Variants in PMVK observed in about 807,000 individuals in gnomAD.
The protein encoded by PMVK is testis tissue sperm-binding protein Li 95mP.
PMVK carries 10 observed loss-of-function variants against 19.0 expected under a neutral mutation model. That is an observed-to-expected ratio of 0.53 (90% confidence interval 0.32 to 0.89). The LOEUF is 0.89. Among genes scored for constraint, PMVK ranks in the 40% least tolerant of loss-of-function variants. The pLI, the probability that PMVK is intolerant of heterozygous loss-of-function variation, is 0.03. For synonymous variants in PMVK, 108 were observed against 101.6 expected, an observed-to-expected ratio of 1.06 and a Z score of -0.38; for missense variants, 222 against 251.1, an observed-to-expected ratio of 0.88 and a Z score of 0.78.
intron 3 of PMVK, among the ~76,000 whole-genome samples, chr1:154,927,246 T>A (rs1011869913): frequency 6.0e-5 from 9 of 151,244 alleles, no homozygotes; most frequent in Middle Eastern, 3.4e-3. Context: ...AGGTCAGGAG[T>A]TCAAATTTTG....
chr1:154,936,575 C>T lies in PMVK; in HGVS notation c.95+16G>A, dbSNP rs774407932. On this transcript the variant is annotated intron_variant, in intron 1 of 4. Transcript: ENST00000368467. ...GCGGAGAGCTCCCCCTTCCACCTTT[C>T]CCGCCTCACGGACACCTGCTCTGCA... 12 of 1,588,286 alleles carry T rather than the reference C, an allele frequency of 7.6e-6. No individual in the cohort carries two copies. In the Admixed American group the frequency reaches 1.1e-4, roughly 14 times the overall value.
chr1:154,927,880 C>T (rs1457536209), intron 3 of PMVK, among the ~76,000 whole-genome samples: 1 of 152,188 alleles, frequency 6.6e-6, no homozygotes, highest in Non-Finnish European at 1.5e-5. Context: ...CCCTATCTCT[C>T]CTCATATCCT....
At chr1:154,932,258 G>A (rs959572549) in intron 2 of PMVK, 94 bp downstream of exon 2, 56 of 895,458 alleles carry the variant, frequency 6.3e-5, no homozygotes, top group Admixed American at 1.1e-4. Flanking sequence ...CAGTGGTGAC[G>A]GGAATCATGC....
intron 1 of PMVK, among the ~76,000 whole-genome samples, chr1:154,936,123 C>A (rs1235055375): frequency 6.6e-6 from 1 of 152,204 alleles, no homozygotes; most frequent in Non-Finnish European, 1.5e-5. Flanking sequence ...CGCTCTGTCG[C>A]CCAGGCTGGA....
chr1:154,928,909 G>T, intron 3 of PMVK, 115 bp downstream of exon 3: 1 of 1,030,676 alleles, frequency 9.7e-7, no homozygotes, highest in Non-Finnish European at 1.5e-6. Flanking sequence ...CGACTGTCCA[G>T]GCCAGAAATG....
chr1:154,937,719 G>A (rs979105349), upstream of PMVK: 1 of 152,178 alleles, frequency 6.6e-6, no homozygotes, highest in African/African-American at 2.4e-5. Flanking sequence ...GCCTCCACTA[G>A]AGAAAAAGTG....
upstream of PMVK, chr1:154,937,717 T>C (rs1047182144): frequency 2.6e-5 from 4 of 152,174 alleles, no homozygotes; most frequent in Admixed American, 6.5e-5. Flanking sequence ...CTGCCTCCAC[T>C]AGAGAAAAAG....
intron 3 of PMVK, among the ~76,000 whole-genome samples, chr1:154,928,570 G>A (rs904640427): frequency 1.4e-4 from 21 of 152,118 alleles, no homozygotes; most frequent in African/African-American, 4.3e-4. Flanking sequence ...TCAGGAGTTC[G>A]AGACCAGCCT....
intron 2 of PMVK, 34 bp from the exon 3 acceptor site, chr1:154,929,210 CT>C (rs766208966): frequency 6.2e-7 from 1 of 1,609,348 alleles, no homozygotes; most frequent in Non-Finnish European, 8.5e-7. Flanking sequence ...CGTCACCGGC[CT>C]TTCAACCTCA....
At position 154,925,093 on chromosome 1, in the gene PMVK, CT is replaced by C; in HGVS notation, c.*35del. On this transcript the variant is annotated 3_prime_UTR_variant, in exon 5 of 5. Transcript: ENST00000368467. ...TTTGCAGAGTCAGCCCCACCCCCAC[CT>C]CAGCAGGCCCCAGCTCACTCCTAGA... 1 of 1,530,196 alleles carries C rather than the reference CT, an allele frequency of 6.5e-7. No individual in the cohort carries two copies. The highest frequency in any genetic ancestry group is 8.9e-7 in the Non-Finnish European group (1 of 1,117,860). The allele number at this position is 1,530,196 out of a possible 1,614,324, so 94.8% of individuals were successfully genotyped here. A position where few individuals can be genotyped will look rare whatever the true frequency, so the allele number is the denominator to read the frequency against.
chr1:154,927,358 G>A (rs999973480), intron 3 of PMVK, among the ~76,000 whole-genome samples: 2 of 140,126 alleles, frequency 1.4e-5, no homozygotes, highest in Admixed American at 1.6e-4. Context: ...TGATGCACAA[G>A]AATCGCTTAA....
chr1:154,938,989 G>A (rs80239439), upstream of PMVK, among the ~76,000 whole-genome samples: 822 of 152,120 alleles, frequency 5.4e-3, 6 homozygotes, highest in African/African-American at 0.019. Flanking sequence ...CAAAAGTGCC[G>A]GGATTACCAG....
chr1:154,925,080 G>GCCCCCCCCCCCCCCCCCCCCGC lies in PMVK; in HGVS notation c.*48_*49insGCGGGGGGGGGGGGGGGGGGGG. On this transcript the variant is annotated 3_prime_UTR_variant, in exon 5 of 5. Transcript: ENST00000368467. The stretch of plus-strand genomic sequence containing the variant: ...GGGACACCCCCATTTTGCAGAGTCA[G>GCCCCCCCCCCCCCCCCCCCCGC]CCCCACCCCCACCTCAGCAGGCCCC... The GCCCCCCCCCCCCCCCCCCCCGC allele has an allele frequency of 6.9e-7, 1 of 1,459,214 alleles. No homozygotes were observed. The highest frequency in any genetic ancestry group is 9.3e-7 in the Non-Finnish European group (1 of 1,076,454). The allele number at this position is 1,459,214 out of a possible 1,614,324, so 90.4% of individuals were successfully genotyped here.
intron 3 of PMVK, among the ~76,000 whole-genome samples, chr1:154,928,757 T>A (rs1022902082): frequency 1.3e-5 from 2 of 150,182 alleles, no homozygotes; most frequent in African/African-American, 4.9e-5. Context: ...AGGCGACAAG[T>A]GTGAGACTCC....
chr1:154,936,669 C>G lies in PMVK; in HGVS notation c.17G>C (p.Gly6Ala). The change falls in exon 1 of 5, where the codon GGC (glycine) becomes GCC (alanine). Residue 6 changes from glycine to alanine, a missense_variant. Gly to Ala is a moderately conservative substitution (Grantham distance 60, BLOSUM62 0). Coordinates refer to ENST00000368467, the MANE Select transcript of PMVK (RefSeq NM_006556.4). MAPLG[G>A]APRLVLLFSG... ...GAACAGCAGTACCAGCCGCGGGGCG[C>G]CTCCCAGCGGGGCCATGGGGCCGCC... 6.2e-7 allele frequency: 1 copy of G among 1,607,550 alleles called. No homozygotes were observed.
upstream of PMVK, among the ~76,000 whole-genome samples, chr1:154,938,211 CT>C (rs1223444233): frequency 1.3e-5 from 2 of 152,208 alleles, no homozygotes; most frequent in Non-Finnish European, 1.5e-5. Context: ...GGAGTCAGAA[CT>C]TACTCCCGGA....
intron 1 of PMVK, chr1:154,936,348 G>C: frequency 3.1e-6 from 3 of 972,982 alleles, no homozygotes; most frequent in Non-Finnish European, 2.4e-6. Context: ...CATTATTAAT[G>C]CTTCTCAGAG....
chr1:154,933,568 A>G (rs1571384182), intron 1 of PMVK, among the ~76,000 whole-genome samples: 1 of 125,134 alleles, frequency 8.0e-6, no homozygotes, highest in South Asian at 2.5e-4. Flanking sequence ...ATCTCGGCTC[A>G]CTGCAATCTC....
chr1:154,935,655 T>C (rs1654480834), intron 1 of PMVK, among the ~76,000 whole-genome samples: 1 of 152,230 alleles, frequency 6.6e-6, no homozygotes, highest in African/African-American at 2.4e-5. Context: ...ACTTACTTTG[T>C]GACCAGCAAG....
Sources: gnomAD v4.1 joint callset for allele counts (sites outside exome capture counted in the v4.1 genomes callset) on GRCh38, gnomAD v4.1.1 for gene constraint, MANE v1.5 for transcripts, NCBI Gene and HGNC (gene_info 2026-07-23, HGNC 2026-07-21) for gene names.